The following SUPT3H variants were observed in gnomAD, a reference collection of about 807,000 sequenced individuals.
The protein encoded by SUPT3H is SPT3 homolog, SAGA and STAGA complex component, also known as transcription initiation protein SPT3 homolog.
In SUPT3H, 44 loss-of-function variants were observed where a neutral mutation model predicts 44.3. That is an observed-to-expected ratio of 0.99 (90% CI 0.78 to 1.28). The LOEUF (loss-of-function observed/expected upper bound fraction) is 1.28. Among genes scored for constraint, SUPT3H ranks in the 50% most tolerant of loss-of-function variants. The probability of loss-of-function intolerance (pLI) is 0.00; values close to 1 mark genes in which losing one functional copy is unlikely to be tolerated. For missense variants in SUPT3H, 380 were observed against 387.1 expected (o/e 0.98, Z 0.15); for synonymous variants, 124 against 125.6 (o/e 0.99, Z 0.09).
At chr6:45,369,986 TA>T (rs1795784892) in intron 1 of SUPT3H, among the ~76,000 whole-genome samples, 2 of 152,172 alleles carry the variant, frequency 1.3e-5, no homozygotes, top group African/African-American at 4.8e-5. Context: ...GGGCAGATCT[TA>T]TAAAGCCTTT....
chr6:44,933,319 T>C (rs1296669661), intron 9 of SUPT3H, among the ~76,000 whole-genome samples: 1 of 152,198 alleles, frequency 6.6e-6, no homozygotes, highest in Non-Finnish European at 1.5e-5. Context: ...ACTTTCTGTT[T>C]TAATTTGCCG....
At chr6:45,213,778 C>A (rs1455541225) in intron 2 of SUPT3H, among the ~76,000 whole-genome samples, 1 of 151,900 alleles carries the variant, frequency 6.6e-6, no homozygotes, top group African/African-American at 2.4e-5. Context: ...GTCCAAGTCA[C>A]ACAAAAATTA....
chr6:45,277,157 A>C (rs370684102), intron 2 of SUPT3H, among the ~76,000 whole-genome samples: 4 of 152,184 alleles, frequency 2.6e-5, no homozygotes, highest in East Asian at 1.9e-4. Flanking sequence ...GGGACTCTCC[A>C]TTTTATTCCA....
At chr6:44,831,904 T>TTTAA (rs1240491199) in intron 10 of SUPT3H, among the ~76,000 whole-genome samples, 3 of 152,198 alleles carry the variant, frequency 2.0e-5, no homozygotes, top group African/African-American at 7.2e-5. Context: ...AAGATTTTTT[T>TTTAA]TTAATAACTT....
intron 10 of SUPT3H, among the ~76,000 whole-genome samples, chr6:44,894,654 G>A (rs936980947): frequency 1.2e-4 from 19 of 152,070 alleles, no homozygotes; most frequent in African/African-American, 4.1e-4. Flanking sequence ...GTCAGGTAGC[G>A]TGATGCCTCC....
chr6:45,082,725 G>A lies in SUPT3H; in HGVS notation c.186+23197C>T, dbSNP rs142007962. 2.6e-3 allele frequency among the ~76,000 whole-genome samples: 390 copies of A among 152,240 alleles called. 3 individuals are homozygous for A. Among genetic ancestry groups the A allele is most frequent in the African/African-American group, 8.6e-3 (356 of 41,548 alleles). On this transcript the variant is annotated intron_variant, in intron 3 of 10. Transcript: ENST00000371459. ...CTAAGAATAGGAACAAAGTATGGAT[G>A]CTCACTTTGACTACTTCTACTCAAC... is the stretch of plus-strand genomic sequence containing the variant.
chr6:45,282,488 G>A (rs1584679318), intron 2 of SUPT3H, among the ~76,000 whole-genome samples: 3 of 152,314 alleles, frequency 2.0e-5, no homozygotes, highest in East Asian at 3.9e-4. Flanking sequence ...GGGTATCAGT[G>A]ATGGAAGATC....
At chr6:45,267,015 A>G (rs1367550075) in intron 2 of SUPT3H, among the ~76,000 whole-genome samples, 1 of 152,172 alleles carries the variant, frequency 6.6e-6, no homozygotes. Context: ...ATTTACCTTC[A>G]GCCTATAAGT....
downstream of SUPT3H, among the ~76,000 whole-genome samples, chr6:44,823,101 CAAAAAAAAA>C (rs5875894): frequency 1.8e-5 from 2 of 113,178 alleles, no homozygotes; most frequent in African/African-American, 6.8e-5. Flanking sequence ...GACTCCGTTT[CAAAAAAAAA>C]AAAAAAAAAA....
chr6:45,097,524 C>T (rs1245853407), intron 3 of SUPT3H: 2 of 152,248 alleles, frequency 1.3e-5, no homozygotes, highest in African/African-American at 4.8e-5. Flanking sequence ...TGAGAGGCTT[C>T]CAGCCACTTG....
At chr6:45,125,616 T>C (rs1002374984) in intron 2 of SUPT3H, among the ~76,000 whole-genome samples, 6 of 152,180 alleles carry the variant, frequency 3.9e-5, no homozygotes, top group African/African-American at 1.4e-4. Flanking sequence ...GGGATAGTTA[T>C]GATGATAATA....
chr6:45,134,879 C>T (rs79698463), intron 2 of SUPT3H, among the ~76,000 whole-genome samples: 1 of 152,202 alleles, frequency 6.6e-6, no homozygotes, highest in African/African-American at 2.4e-5. Context: ...CCACTACGCA[C>T]TGCCTTGGTG....
intron 2 of SUPT3H, among the ~76,000 whole-genome samples, chr6:45,310,474 G>T (rs1783763621): frequency 6.6e-6 from 1 of 152,074 alleles, no homozygotes; most frequent in African/African-American, 2.4e-5. Flanking sequence ...AAGTCAACCA[G>T]CACAAAAATA....
chr6:44,999,935 T>C (rs1251237801), intron 6 of SUPT3H, among the ~76,000 whole-genome samples: 1 of 152,052 alleles, frequency 6.6e-6, no homozygotes, highest in African/African-American at 2.4e-5. Flanking sequence ...GTTTGTATGA[T>C]ATACCTCTGA....
intron 2 of SUPT3H, among the ~76,000 whole-genome samples, chr6:45,199,457 A>G (rs1203444240): frequency 6.7e-6 from 1 of 150,302 alleles, no homozygotes; most frequent in African/African-American, 2.4e-5. Flanking sequence ...CTTTAACTCC[A>G]TTAAGATCAT....
chr6:44,932,813 G>T, intron 9 of SUPT3H, 50 bp from the exon 10 acceptor site: 1 of 1,223,548 alleles, frequency 8.2e-7, no homozygotes, highest in Non-Finnish European at 1.2e-6. Context: ...ACACGCAACA[G>T]AACTACAGTG....
intron 2 of SUPT3H, among the ~76,000 whole-genome samples, chr6:45,287,797 C>A (rs73735343): frequency 0.012 from 1,882 of 152,218 alleles, 50 homozygotes; most frequent in African/African-American, 0.043. Flanking sequence ...AGCACAAGAC[C>A]ATTAATCAAT....
chr6:45,116,936 T>G (rs966817909), intron 2 of SUPT3H, among the ~76,000 whole-genome samples: 4 of 152,064 alleles, frequency 2.6e-5, no homozygotes, highest in African/African-American at 4.8e-5. Context: ...AAACCATACA[T>G]CCTCTCTAGG....
chr6:45,200,171 AGT>A (rs1225858447), intron 2 of SUPT3H, among the ~76,000 whole-genome samples: 1 of 151,626 alleles, frequency 6.6e-6, no homozygotes, highest in Non-Finnish European at 1.5e-5. Flanking sequence ...AACAATACTC[AGT>A]GTAAATATTT....
Sources: allele counts gnomAD v4.1 joint callset (sites outside exome capture counted in the v4.1 genomes callset), GRCh38; gene constraint gnomAD v4.1.1; transcripts MANE v1.5; gene names NCBI Gene and HGNC (gene_info 2026-07-23, HGNC 2026-07-21).